The following SNTB2 variants were observed in gnomAD, a reference collection of about 807,000 sequenced individuals.
The protein encoded by SNTB2 is beta-2-syntrophin.
A neutral mutation model predicts 46.2 loss-of-function variants in SNTB2; 34 were observed. That is an observed-to-expected ratio of 0.74 (90% CI 0.56 to 0.98). The LOEUF is 0.98. Ranked by LOEUF, SNTB2 falls within the 50% of genes least tolerant of loss-of-function variation. The probability of loss-of-function intolerance (pLI) is 0.00; values close to 1 mark genes in which losing one functional copy is unlikely to be tolerated. For synonymous variants in SNTB2, 290 were observed against 312.6 expected, an observed-to-expected ratio of 0.93 and a Z score of 0.76; for missense variants, 603 against 731.4, an observed-to-expected ratio of 0.82 and a Z score of 2.02.
At position 69,302,328 on chromosome 16, in the gene SNTB2, A is replaced by G. The variant is rs1965282530; in HGVS notation, c.*1404A>G. 1 of 152,214 alleles carries G rather than the reference A, an allele frequency of 6.6e-6. No homozygotes were observed. Among genetic ancestry groups the G allele is most frequent in the African/African-American group, 2.4e-5 (1 of 41,460 alleles). The allele number at this position is 152,214 out of a possible 1,614,324, so 9.4% of individuals were successfully genotyped here. ...AACATTTAAAATGGTATAATATCATATAAAATGTCAAAATTAGCACAGTCC... is the reference window on the plus strand; with the variant it reads ...AACATTTAAAATGGTATAATATCATGTAAAATGTCAAAATTAGCACAGTCC... On this transcript the variant is annotated 3_prime_UTR_variant, in exon 7 of 7. Coordinates refer to ENST00000336278, the MANE Select transcript of SNTB2 (RefSeq NM_006750.4).
intron 1 of SNTB2, among the ~76,000 whole-genome samples, chr16:69,216,244 G>C (rs1450530981): frequency 6.6e-6 from 1 of 152,162 alleles, no homozygotes; most frequent in African/African-American, 2.4e-5. Flanking sequence ...CCATGAAAAT[G>C]TCAAGTTCTG....
At chr16:69,224,472 A>G (rs1027958664) in intron 1 of SNTB2, among the ~76,000 whole-genome samples, 1 of 152,252 alleles carries the variant, frequency 6.6e-6, no homozygotes, top group South Asian at 2.1e-4. Flanking sequence ...TGGCCTCCCA[A>G]AGTACTGGGA....
rs150980298 is a variant in SNTB2 at position 69,300,867 on chromosome 16, A to G, written c.1566A>G (p.Val522=). ...MDLHSCPKPI[V]FVLHTFLSAK... Reference sequence around the variant, plus strand: ...TGCACTCTTGTCCGAAGCCGATTGTATTTGTGTTGCACACGTTTTTATCGG... The same window carrying G: ...TGCACTCTTGTCCGAAGCCGATTGTGTTTGTGTTGCACACGTTTTTATCGG... The change falls in exon 7 of 7, where the codon GTA becomes GTG. Residue 522 remains valine (V), a synonymous_variant. Transcript: ENST00000336278. The G allele has an allele frequency of 1.2e-5, 19 of 1,613,836 alleles. No individual in the cohort carries two copies. The highest frequency in any genetic ancestry group is 1.7e-5 in the Admixed American group (1 of 59,978).
chr16:69,224,655 T>G (rs1227949798), intron 1 of SNTB2, among the ~76,000 whole-genome samples: 1 of 152,252 alleles, frequency 6.6e-6, no homozygotes, highest in African/African-American at 2.4e-5. Context: ...GATTTTCTAT[T>G]TATCTCATGC....
intron 1 of SNTB2, among the ~76,000 whole-genome samples, chr16:69,203,059 C>G (rs1302389228): frequency 6.6e-6 from 1 of 151,808 alleles, no homozygotes; most frequent in East Asian, 1.9e-4. Context: ...GCTCTTGTTG[C>G]CCAGGCTAGA....
At chr16:69,290,512 G>T (rs1296302989) in intron 5 of SNTB2, among the ~76,000 whole-genome samples, 3 of 152,122 alleles carry the variant, frequency 2.0e-5, no homozygotes, top group Non-Finnish European at 4.4e-5. Context: ...GATTTATATT[G>T]TTAAAATATA....
chr16:69,281,548 T>G (rs1180810428), intron 4 of SNTB2, among the ~76,000 whole-genome samples: 1 of 151,642 alleles, frequency 6.6e-6, no homozygotes, highest in Non-Finnish European at 1.5e-5. Flanking sequence ...GCGGCATTTG[T>G]TGAAAAGACA....
intron 3 of SNTB2, among the ~76,000 whole-genome samples, chr16:69,261,827 A>G (rs968292234): frequency 1.3e-5 from 2 of 152,188 alleles, no homozygotes; most frequent in African/African-American, 2.4e-5. Context: ...CCCGTTACCT[A>G]TCCACCTGTT....
intron 5 of SNTB2, among the ~76,000 whole-genome samples, chr16:69,287,847 A>T (rs1470139286): frequency 6.6e-6 from 1 of 151,806 alleles, no homozygotes; most frequent in Non-Finnish European, 1.5e-5. Flanking sequence ...CAACAGTGGG[A>T]AACTCTGTCT....
intron 1 of SNTB2, among the ~76,000 whole-genome samples, chr16:69,236,982 T>C (rs890652374): frequency 2.0e-5 from 3 of 152,156 alleles, no homozygotes; most frequent in African/African-American, 7.2e-5. Flanking sequence ...GCGAGAAAGA[T>C]GATGATGCTA....
intron 4 of SNTB2, among the ~76,000 whole-genome samples, chr16:69,276,004 T>C (rs1202616289): frequency 6.6e-6 from 1 of 152,186 alleles, no homozygotes; most frequent in Non-Finnish European, 1.5e-5. Flanking sequence ...TAATAGCTGA[T>C]AGTTCAGGCC....
intron 3 of SNTB2, among the ~76,000 whole-genome samples, chr16:69,265,098 A>G (rs1400312899): frequency 6.6e-6 from 1 of 152,030 alleles, no homozygotes; most frequent in African/African-American, 2.4e-5. Flanking sequence ...AAATACAAAA[A>G]ATTAGCTGGG....
At chr16:69,291,724 T>TA (rs535885397) in intron 5 of SNTB2, among the ~76,000 whole-genome samples, 1 of 151,716 alleles carries the variant, frequency 6.6e-6, no homozygotes. Flanking sequence ...AAAATAAAAA[T>TA]AAAAAATAAA....
At chr16:69,201,464 G>A (rs1007486995) in intron 1 of SNTB2, among the ~76,000 whole-genome samples, 1 of 152,154 alleles carries the variant, frequency 6.6e-6, no homozygotes, top group Non-Finnish European at 1.5e-5. Context: ...GGGAGGCGGG[G>A]ACATAAAATC....
At position 69,232,208 on chromosome 16, in the gene SNTB2, C is replaced by CT. The variant is rs34688718; in HGVS notation, c.581-13379dup. Among the ~76,000 whole-genome samples the CT allele has an allele frequency of 8.5e-3, 1,160 of 136,556 alleles. 13 individuals carry two copies. Among genetic ancestry groups the CT allele is most frequent in the South Asian group, 0.056 (239 of 4,264 alleles). The allele number at this position is 136,556 out of a possible 152,430, so 89.6% of individuals were successfully genotyped here. Reference sequence around the variant, plus strand: ...AAAAGGCCATAATTTTTTCTTTTTTCTTTTTTTTTTTTTTTGAGATGGAGT... The same window carrying CT: ...AAAAGGCCATAATTTTTTCTTTTTTCTTTTTTTTTTTTTTTTGAGATGGAGT... On this transcript the variant is annotated intron_variant, in intron 1 of 6. Transcript: ENST00000336278.
chr16:69,299,378 C>T (rs1487510184), intron 5 of SNTB2, among the ~76,000 whole-genome samples: 2 of 152,054 alleles, frequency 1.3e-5, no homozygotes, highest in Non-Finnish European at 1.5e-5. Flanking sequence ...CCTGACTTTG[C>T]GATCCGCCTG....
intron 1 of SNTB2, among the ~76,000 whole-genome samples, chr16:69,239,243 G>T (rs1964587437): frequency 1.3e-5 from 2 of 152,030 alleles, no homozygotes; most frequent in Non-Finnish European, 2.9e-5. Context: ...TGACACCCTG[G>T]GCAGCATTTC....
Position 69,187,721 on chromosome 16 carries a change from C to G in SNTB2, c.555C>G (p.Arg185=). 1.6e-6 allele frequency: 2 copies of G among 1,277,690 alleles called. No individual in the cohort carries two copies. The highest frequency in any genetic ancestry group is 2.0e-6 in the Non-Finnish European group (2 of 991,718). The allele number at this position is 1,277,690 out of a possible 1,614,324, so 79.1% of individuals were successfully genotyped here. ...THDQAVQALK[R]AGKEVLLEVK... is the part of the protein sequence containing the mutation. ...ACCAGGCCGTGCAGGCGCTGAAGCG[C>G]GCGGGCAAGGAGGTGCTGCTGGAGG... Residue 185 remains arginine, a synonymous_variant, in exon 1 of 7, where the codon CGC becomes CGG. Transcript: ENST00000336278.
intron 1 of SNTB2, among the ~76,000 whole-genome samples, chr16:69,196,318 T>C (rs963410215): frequency 2.0e-5 from 3 of 151,964 alleles, no homozygotes; most frequent in African/African-American, 4.8e-5. Flanking sequence ...ATGACACTTA[T>C]GGAGAGCTTA....
Sources: allele counts gnomAD v4.1 joint callset (sites outside exome capture counted in the v4.1 genomes callset), GRCh38; gene constraint gnomAD v4.1.1; transcripts MANE v1.5; gene names NCBI Gene and HGNC (gene_info 2026-07-23, HGNC 2026-07-21).